Variants in PHLDB3 observed in about 807,000 individuals in gnomAD.
PHLDB3 encodes pleckstrin homology-like domain family B member 3.
Under a neutral mutation model 85.7 loss-of-function variants are expected in PHLDB3, and 86 were observed. That is an observed-to-expected ratio of 1.00 (90% CI 0.84 to 1.20). PHLDB3 has a LOEUF of 1.20. Among genes scored for constraint, PHLDB3 ranks in the 50% most tolerant of loss-of-function variants. The probability of loss-of-function intolerance (pLI) is 0.00; values close to 1 mark genes in which losing one functional copy is unlikely to be tolerated. For synonymous variants in PHLDB3, 376 were observed against 349.8 expected (o/e 1.07, Z -0.83); for missense variants, 995 against 873.0 (o/e 1.14, Z -1.76).
rs562678788 is a variant in PHLDB3 at position 43,479,459 on chromosome 19, C to T, written c.1620G>A (p.Val540=). 4.5e-6 allele frequency: 7 copies of T among 1,565,246 alleles called. No homozygotes were observed. The highest frequency in any genetic ancestry group is 6.1e-6 in the Non-Finnish European group (7 of 1,155,332). ...VSGCCCRGPL[V]KMGGRIKTWR... ...AGGTCTTGATGCGGCCGCCCATCTTCACCAGGGGTCCACGGCAGCAGCACC... is the reference window on the plus strand; with the variant it reads ...AGGTCTTGATGCGGCCGCCCATCTTTACCAGGGGTCCACGGCAGCAGCACC... Residue 540 remains valine (V), a synonymous_variant, in exon 14 of 16, where the codon GTG becomes GTA. Transcript: ENST00000292140.
chr19:43,487,512 T>C (rs577200635), intron 9 of PHLDB3, among the ~76,000 whole-genome samples: 1 of 137,968 alleles, frequency 7.2e-6, no homozygotes, highest in Admixed American at 7.9e-5. Context: ...GAGGTGGAGA[T>C]TGCAATGAGC....
intron 6 of PHLDB3, chr19:43,496,512 A>T: frequency 6.6e-6 from 1 of 152,476 alleles, no homozygotes. Flanking sequence ...GTGGCGAGGC[A>T]CGGTGGCTCA....
At chr19:43,496,766 C>T (rs1217746848) in intron 6 of PHLDB3, 5 of 307,038 alleles carry the variant, frequency 1.6e-5, no homozygotes, top group East Asian at 1.5e-4. Flanking sequence ...GAGTGAGACG[C>T]TATCTCAAAA....
At position 43,487,574 on chromosome 19, in the gene PHLDB3, CA is replaced by C. The variant is rs760708749; in HGVS notation, c.1150-452del. Among the ~76,000 whole-genome samples the C allele has an allele frequency of 6.6e-3, 255 of 38,524 alleles. 7 individuals are homozygous for C. The highest frequency in any genetic ancestry group is 0.02 in the African/African-American group (204 of 10,040). The allele number at this position is 38,524 out of a possible 152,430, so 25.3% of individuals were successfully genotyped here. A position where few individuals can be genotyped will look rare whatever the true frequency, so the allele number is the denominator to read the frequency against. Reference sequence around the variant, plus strand: ...TGGGCGACAGAGCAAGACTCTGTCTCAAAAAAAAAAAAAAAAAACACAGAAA... The same window carrying C: ...TGGGCGACAGAGCAAGACTCTGTCTCAAAAAAAAAAAAAAAAACACAGAAA... On this transcript the variant is annotated intron_variant, in intron 9 of 15. Coordinates refer to ENST00000292140, the MANE Select transcript of PHLDB3 (RefSeq NM_198850.4).
At chr19:43,500,965 C>A (rs2145952261) in intron 4 of PHLDB3, among the ~76,000 whole-genome samples, 1 of 145,592 alleles carries the variant, frequency 6.9e-6, no homozygotes, top group South Asian at 2.3e-4. Flanking sequence ...TTGGCCCAGC[C>A]TAAAAGGATT....
At chr19:43,481,221 C>G (rs1308625590) in intron 13 of PHLDB3, among the ~76,000 whole-genome samples, 1 of 152,116 alleles carries the variant, frequency 6.6e-6, no homozygotes, top group African/African-American at 2.4e-5. Context: ...GTGGCTCACA[C>G]GTGTAATCCC....
chr19:43,487,071 CT>C lies in PHLDB3; in HGVS notation c.1201del (p.Arg401GlyfsTer40), dbSNP rs1398663255. The C allele has an allele frequency of 1.9e-6, 3 of 1,579,916 alleles. No homozygotes were observed. Among genetic ancestry groups the C allele is most frequent in the African/African-American group, 1.3e-5 (1 of 74,140 alleles). On this transcript the variant is annotated frameshift_variant, in exon 10 of 16. Coordinates refer to ENST00000292140, the MANE Select transcript of PHLDB3 (RefSeq NM_198850.4). LOFTEE classifies it high-confidence loss of function. ...TCGGGGGGATCCTCTCTGGCTCCCCCTCTCCCCCCTTTTCCGGGGCAGGCTC... is the reference window on the plus strand; with the variant it reads ...TCGGGGGGATCCTCTCTGGCTCCCCCCTCCCCCCTTTTCCGGGGCAGGCTC... ...TGSLPRKRGE[R>X]GSQRGSPRPL...
chr19:43,504,476 C>A (rs1971706583), intron 1 of PHLDB3, 113 bp downstream of exon 1: 1 of 323,548 alleles, frequency 3.1e-6, no homozygotes. Context: ...TTAGAGCGAC[C>A]CATCTTCTCC....
At chr19:43,504,226 A>C (rs1177975687) in intron 1 of PHLDB3, 94 bp from the exon 2 acceptor site, 24 of 1,106,316 alleles carry the variant, frequency 2.2e-5, no homozygotes, top group Middle Eastern at 3.0e-4. Context: ...ACCCCCCCCC[A>C]AGGAGGCGGG....
chr19:43,504,334 G>C lies in PHLDB3; in HGVS notation c.-14-202C>G. On this transcript the variant is annotated intron_variant, in intron 1 of 15. Transcript: ENST00000292140. ...GGCTCCAAGGCGACACGCCACCGGA[G>C]ACGGGACCGGAATTTGAGTCCGGGT... is the stretch of plus-strand genomic sequence containing the variant. 1.3e-5 allele frequency: 8 copies of C among 599,380 alleles called. No homozygotes were observed. The South Asian group carries it at 1.7e-4, about 13-fold the overall frequency. The allele number at this position is 599,380 out of a possible 1,614,324, so 37.1% of individuals were successfully genotyped here.
chr19:43,499,383 G>A (rs1430753389), intron 4 of PHLDB3, among the ~76,000 whole-genome samples: 2 of 151,900 alleles, frequency 1.3e-5, no homozygotes, highest in African/African-American at 4.8e-5. Context: ...TAAGGAAGGA[G>A]GATCTGGGGG....
Position 43,501,740 on chromosome 19 carries a change from C to T in PHLDB3, c.528G>A (p.Arg176=). The T allele has an allele frequency of 1.3e-6, 2 of 1,584,192 alleles. No homozygotes were observed. The highest frequency in any genetic ancestry group is 1.7e-6 in the Non-Finnish European group (2 of 1,171,264). Residue 176 remains arginine (R), a synonymous_variant, in exon 4 of 16, where the codon CGG becomes CGA. Transcript: ENST00000292140. ...CCCGGTGAGCCAAACAGACCTGTTC[C>T]CGCTGCTGGCGGCCGCGCTGCTCCG... ...AASEQRGRQQ[R]EQEQRRLSQE...
chr19:43,499,890 C>G (rs1435561255), intron 4 of PHLDB3, among the ~76,000 whole-genome samples: 2 of 152,214 alleles, frequency 1.3e-5, no homozygotes, highest in East Asian at 3.9e-4. Context: ...CTGGTGCCTG[C>G]CACCACGCCC....
intron 8 of PHLDB3, 75 bp from the exon 9 acceptor site, chr19:43,494,890 C>A: frequency 9.1e-7 from 1 of 1,094,568 alleles, no homozygotes; most frequent in Non-Finnish European, 1.3e-6. Context: ...CGTGCTCTGG[C>A]CCATGCCTCT....
At chr19:43,483,097 G>A (rs1438055443) in intron 13 of PHLDB3, among the ~76,000 whole-genome samples, 2 of 152,120 alleles carry the variant, frequency 1.3e-5, no homozygotes, top group Non-Finnish European at 2.9e-5. Flanking sequence ...AATGAATAAG[G>A]GAAGGACAAA....
rs749994477 is a variant in PHLDB3, at chr19:43,497,089, G to C, written c.825+29C>G. 9 of 1,409,676 alleles carry C rather than the reference G, an allele frequency of 6.4e-6. No homozygotes were observed. The African/African-American group carries it at 7.4e-5, about 12-fold the overall frequency. The allele number at this position is 1,409,676 out of a possible 1,614,324, so 87.3% of individuals were successfully genotyped here. On this transcript the variant is annotated intron_variant, in intron 6 of 15. Coordinates refer to ENST00000292140, the MANE Select transcript of PHLDB3 (RefSeq NM_198850.4). Reference sequence around the variant, plus strand: ...AGGGGAGACAGAGAGGAGCAGCAAGGGGGGCAGCGCTGGTCAGGCATGACT... The same window carrying C: ...AGGGGAGACAGAGAGGAGCAGCAAGCGGGGCAGCGCTGGTCAGGCATGACT...
At chr19:43,487,592 A>AAAAAAAAAAAAAAAAAAC (rs1555754906) in intron 9 of PHLDB3, among the ~76,000 whole-genome samples, 2 of 129,378 alleles carry the variant, frequency 1.5e-5, no homozygotes, top group African/African-American at 6.0e-5. Flanking sequence ...AAAAAAAAAA[A>AAAAAAAAAAAAAAAAAAC]CACAGAAAAG....
chr19:43,484,802 G>A (rs1411417108), intron 13 of PHLDB3, among the ~76,000 whole-genome samples: 1 of 152,132 alleles, frequency 6.6e-6, no homozygotes, highest in East Asian at 1.9e-4. Flanking sequence ...AGTGCAGAGT[G>A]GGATGTAGGT....
chr19:43,478,203 A>G, intron 14 of PHLDB3, 71 bp from the exon 15 acceptor site: 1 of 1,205,028 alleles, frequency 8.3e-7, no homozygotes, highest in Admixed American at 1.9e-5. Context: ...GGTGAGGGTC[A>G]TTGGCCCTAA....
Sources: gnomAD v4.1 joint callset for allele counts (sites outside exome capture counted in the v4.1 genomes callset) on GRCh38, gnomAD v4.1.1 for gene constraint, MANE v1.5 for transcripts, NCBI Gene and HGNC (gene_info 2026-07-23, HGNC 2026-07-21) for gene names.